CATSPERE: variants seen among roughly 807,000 people sequenced by gnomAD.
CATSPERE encodes the protein cation channel sperm-associated auxiliary subunit epsilon.
A neutral mutation model predicts 114.1 loss-of-function variants in CATSPERE; 93 were observed. The ratio of observed to expected loss-of-function variants is 0.81; its 90% confidence interval spans 0.69 to 0.97. The LOEUF (loss-of-function observed/expected upper bound fraction) is 0.97, where lower values mean the gene tolerates loss of function less well. CATSPERE is among the 50% of genes least tolerant of loss of function. CATSPERE has a pLI of 0.00. For synonymous variants in CATSPERE, 341 were observed against 384.1 expected, an observed-to-expected ratio of 0.89 and a Z score of 1.31; for missense variants, 1,058 against 1,131.6, an observed-to-expected ratio of 0.93 and a Z score of 0.93.
At chr1:244,527,948 AGCT>A (rs1335595798) in intron 8 of CATSPERE, among the ~76,000 whole-genome samples, 2 of 152,010 alleles carry the variant, frequency 1.3e-5, no homozygotes, top group Non-Finnish European at 2.9e-5. Flanking sequence ...CTGTTGCCCA[AGCT>A]GGTCTTTATT....
intron 8 of CATSPERE, among the ~76,000 whole-genome samples, chr1:244,548,304 C>T (rs769191058): frequency 6.6e-6 from 1 of 152,200 alleles, no homozygotes; most frequent in African/African-American, 2.4e-5. Flanking sequence ...TTCATGGGCT[C>T]AGCAACATGG....
intron 8 of CATSPERE, among the ~76,000 whole-genome samples, chr1:244,539,658 A>C (rs945235109): frequency 3.3e-5 from 5 of 149,300 alleles, no homozygotes; most frequent in Non-Finnish European, 7.4e-5. Flanking sequence ...AGCTCCTGTT[A>C]TTGGTCTATT....
intron 7 of CATSPERE, among the ~76,000 whole-genome samples, chr1:244,515,832 T>TCA (rs1676520097): frequency 6.6e-6 from 1 of 150,538 alleles, no homozygotes; most frequent in African/African-American, 2.4e-5. Context: ...TATTATAATA[T>TCA]TTTAAAATAC....
intron 2 of CATSPERE, among the ~76,000 whole-genome samples, chr1:244,473,988 G>A (rs182589670): frequency 4.0e-5 from 6 of 151,726 alleles, no homozygotes; most frequent in Admixed American, 3.9e-4. Context: ...TTGGTGCCCT[G>A]CTCTTTTATT....
chr1:244,639,237 C>T (rs1254934899), intron 21 of CATSPERE, among the ~76,000 whole-genome samples: 1 of 152,216 alleles, frequency 6.6e-6, no homozygotes, highest in African/African-American at 2.4e-5. Flanking sequence ...TTGTCTGAAA[C>T]ACTGTTCCCA....
At chr1:244,601,525 A>G (rs923131172) in intron 17 of CATSPERE, among the ~76,000 whole-genome samples, 4 of 152,254 alleles carry the variant, frequency 2.6e-5, no homozygotes, top group African/African-American at 9.6e-5. Context: ...CAGATTACCT[A>G]CAATGGAATG....
intron 2 of CATSPERE, among the ~76,000 whole-genome samples, chr1:244,465,511 T>C (rs1045339805): frequency 5.3e-5 from 8 of 152,226 alleles, no homozygotes; most frequent in African/African-American, 1.9e-4. Flanking sequence ...AACCAGAATC[T>C]ATTAAACAAC....
chr1:244,621,221 T>TATATAGATATATC (rs1193509974), intron 20 of CATSPERE, among the ~76,000 whole-genome samples: 8 of 69,208 alleles, frequency 1.2e-4, no homozygotes, highest in South Asian at 4.1e-4. Context: ...ATATATATAT[T>TATATAGATATATC]TATATAAATA....
chr1:244,526,776 A>G (rs1032582843), intron 8 of CATSPERE, among the ~76,000 whole-genome samples: 1 of 151,910 alleles, frequency 6.6e-6, no homozygotes, highest in Non-Finnish European at 1.5e-5. Flanking sequence ...CTAGTCACAT[A>G]GGTTCTTTTC....
intron 2 of CATSPERE, among the ~76,000 whole-genome samples, chr1:244,472,201 T>C (rs770834036): frequency 5.3e-5 from 8 of 152,140 alleles, no homozygotes; most frequent in Non-Finnish European, 8.8e-5. Flanking sequence ...GCTCAAGCAG[T>C]CCTCCCATCT....
chr1:244,542,122 C>G (rs1322132207), intron 8 of CATSPERE, among the ~76,000 whole-genome samples: 4 of 144,202 alleles, frequency 2.8e-5, no homozygotes, highest in African/African-American at 5.1e-5. Context: ...CAAACCTGCA[C>G]ATTGTGCACA....
At chr1:244,478,560 A>C (rs918757175) in intron 4 of CATSPERE, among the ~76,000 whole-genome samples, 1 of 152,206 alleles carries the variant, frequency 6.6e-6, no homozygotes, top group Non-Finnish European at 1.5e-5. Context: ...CATGTCACCA[A>C]TCCTGCCTTT....
intron 6 of CATSPERE, among the ~76,000 whole-genome samples, chr1:244,492,251 C>CA (rs1460188506): frequency 6.6e-6 from 1 of 152,102 alleles, no homozygotes; most frequent in Non-Finnish European, 1.5e-5. Flanking sequence ...CCACCATGAT[C>CA]AAGTGGGCTT....
chr1:244,542,132 A>G (rs563953388), intron 8 of CATSPERE, among the ~76,000 whole-genome samples: 1 of 139,674 alleles, frequency 7.2e-6, no homozygotes, highest in African/African-American at 2.7e-5. Context: ...CATTGTGCAC[A>G]TGTACCCTAA....
intron 7 of CATSPERE, among the ~76,000 whole-genome samples, chr1:244,500,202 A>G (rs951709540): frequency 2.0e-5 from 3 of 149,940 alleles, no homozygotes; most frequent in Admixed American, 6.6e-5. Flanking sequence ...TTGTTTTTTT[A>G]ATTGTAAATT....
chr1:244,630,439 A>G (rs1673788455), intron 20 of CATSPERE, among the ~76,000 whole-genome samples: 1 of 152,196 alleles, frequency 6.6e-6, no homozygotes, highest in South Asian at 2.1e-4. Flanking sequence ...ATAATTTGCT[A>G]AATGAATGGC....
intron 8 of CATSPERE, among the ~76,000 whole-genome samples, chr1:244,520,800 G>C (rs576303736): frequency 1.1e-4 from 16 of 152,252 alleles, no homozygotes; most frequent in South Asian, 2.1e-4. Context: ...AAAAATTCTA[G>C]AAAAATATAA....
At chr1:244,593,307 T>C in intron 15 of CATSPERE, 88 bp from the exon 16 acceptor site, 1 of 1,335,190 alleles carries the variant, frequency 7.5e-7, no homozygotes, top group Non-Finnish European at 1.1e-6. Flanking sequence ...TTGACCTTTG[T>C]GATACCTCCT....
At chr1:244,625,210 C>A (rs1672947324) in intron 20 of CATSPERE, among the ~76,000 whole-genome samples, 1 of 151,236 alleles carries the variant, frequency 6.6e-6, no homozygotes, top group Admixed American at 6.6e-5. Flanking sequence ...GGAAGTCAAA[C>A]TTACTCATTG....
Sources: allele counts gnomAD v4.1 joint callset (sites outside exome capture counted in the v4.1 genomes callset), GRCh38; gene constraint gnomAD v4.1.1; transcripts MANE v1.5; gene names NCBI Gene and HGNC (gene_info 2026-07-23, HGNC 2026-07-21).